ZNF787: variants seen among roughly 807,000 people sequenced by gnomAD.
ZNF787 encodes zinc finger protein 787, also known as TTF-I-interacting peptide 20.
In ZNF787, 7 loss-of-function variants were observed where a neutral mutation model predicts 16.9. The ratio of observed to expected loss-of-function variants is 0.42; its 90% confidence interval spans 0.24 to 0.78. The LOEUF (loss-of-function observed/expected upper bound fraction) is 0.78, where lower values mean the gene tolerates loss of function less well. ZNF787 is among the 30% of genes least tolerant of loss of function. ZNF787 has a pLI of 0.30. For missense variants in ZNF787, 551 were observed against 589.3 expected (o/e 0.94, Z 0.67); for synonymous variants, 345 against 270.9 (o/e 1.27, Z -2.69).
rs776380965 is a variant in ZNF787, at chr19:56,088,715, G to T, written c.457C>A (p.Pro153Thr). The T allele has an allele frequency of 6.2e-7, 1 of 1,607,180 alleles. No individual in the cohort carries two copies. The highest frequency in any genetic ancestry group is 1.7e-5 in the Admixed American group (1 of 59,278). Residue 153 changes from proline to threonine, a missense_variant, in exon 3 of 3, where the codon CCC becomes ACC. Pro to Thr is a conservative substitution (Grantham distance 38, BLOSUM62 -1). Around this residue, in one of 4 missense-constraint regions of ZNF787, gnomAD observed 40 missense variants for 60.7 expected, o/e 0.66. Coordinates refer to ENST00000610935, the MANE Select transcript of ZNF787 (RefSeq NM_001002836.4). This position sits in a 1 kb window ranked among gnomAD's most constrained non-coding sequence, Gnocchi z 8.6. ...IHTGEKPYTC[P>T]DCGRSFTQSK... ...TGAGTGAAGCTGCGGCCGCAGTCGG[G>T]GCAGGTGTAGGGCTTCTCGCCCGTG...
At chr19:56,099,710 CAAAAAA>C (rs10683508) in intron 2 of ZNF787, among the ~76,000 whole-genome samples, 1 of 106,604 alleles carries the variant, frequency 9.4e-6, no homozygotes, top group Non-Finnish European at 1.8e-5. Flanking sequence ...GGCTCCGTCT[CAAAAAA>C]AAAAAAAAAG....
Position 56,088,510 on chromosome 19 carries a change from T to C in ZNF787, c.662A>G (p.Lys221Arg). Residue 221 changes from lysine to arginine, a missense_variant, in exon 3 of 3, where the codon AAG becomes AGG. This residue lies in a region of ZNF787 where 392 missense variants were observed against 312.7 expected (regional missense o/e 1.25). Transcript: ENST00000610935. The surrounding 1 kb of genome is among the most constrained non-coding windows in gnomAD (Gnocchi z 8.6). Reference sequence around the variant, plus strand: ...CGCCGCCACCGCCTCTTCGGGCCCCTTGGCCCGCCGGACGCTAGCCGCCAG... The same window carrying C: ...CGCCGCCACCGCCTCTTCGGGCCCCCTGGCCCGCCGGACGCTAGCCGCCAG... ...KVLAASVRRA[K>R]GPEEAVAADG... The C allele has an allele frequency of 1.4e-6, 2 of 1,417,868 alleles. No homozygotes were observed. The highest frequency in any genetic ancestry group is 1.8e-6 in the Non-Finnish European group (2 of 1,093,230). 87.8% of individuals were successfully genotyped at this position (1,417,868 alleles called of 1,614,324 possible). A position where few individuals can be genotyped will look rare whatever the true frequency, so the allele number is the denominator to read the frequency against.
At chr19:56,094,356 T>G (rs1009332125) in intron 2 of ZNF787, among the ~76,000 whole-genome samples, 3 of 150,996 alleles carry the variant, frequency 2.0e-5, no homozygotes, top group Admixed American at 6.6e-5. Context: ...GTGCTCTTAG[T>G]AGAGACAGGG....
intron 2 of ZNF787, 33 bp from the exon 3 acceptor site, chr19:56,089,125 A>G: frequency 7.1e-7 from 1 of 1,417,168 alleles, no homozygotes; most frequent in Non-Finnish European, 9.2e-7. Context: ...GAGGTGAGTC[A>G]AGAGAGGCAA....
chr19:56,099,997 G>A (rs1986030670), intron 2 of ZNF787, among the ~76,000 whole-genome samples: 1 of 152,172 alleles, frequency 6.6e-6, no homozygotes, highest in Admixed American at 6.5e-5. Context: ...AGAGGTCGCA[G>A]GAAGGCCAGT....
At chr19:56,118,819 T>A (rs772255630) in intron 1 of ZNF787, among the ~76,000 whole-genome samples, 22 of 152,090 alleles carry the variant, frequency 1.4e-4, no homozygotes, top group Non-Finnish European at 1.9e-4. Context: ...GAGAGCTGTG[T>A]ATGCCTAGTA....
At chr19:56,093,531 G>C (rs2123395056) in intron 2 of ZNF787, among the ~76,000 whole-genome samples, 1 of 152,250 alleles carries the variant, frequency 6.6e-6, no homozygotes, top group East Asian at 1.9e-4. Flanking sequence ...GGCCGACTGA[G>C]ACATGTTCGG....
chr19:56,108,169 G>A (rs912708354), intron 1 of ZNF787, among the ~76,000 whole-genome samples: 40 of 151,986 alleles, frequency 2.6e-4, no homozygotes, highest in African/African-American at 8.7e-4. Flanking sequence ...AGAAGCGGGA[G>A]GCACTGAAGG....
chr19:56,108,835 G>T (rs1329136559), intron 1 of ZNF787, among the ~76,000 whole-genome samples: 1 of 152,170 alleles, frequency 6.6e-6, no homozygotes, highest in Non-Finnish European at 1.5e-5. Flanking sequence ...GCCTCGGATG[G>T]AAGAGTTCAG....
At chr19:56,115,658 G>T (rs554731391) in intron 1 of ZNF787, among the ~76,000 whole-genome samples, 1 of 147,480 alleles carries the variant, frequency 6.8e-6, no homozygotes, top group Admixed American at 6.7e-5. Context: ...CCTCCCACCC[G>T]CACCACCCAC....
Position 56,102,682 on chromosome 19 carries a change from C to T in ZNF787, c.79+457G>A, listed in dbSNP as rs974523052. 4 of 548,846 alleles carry T rather than the reference C, an allele frequency of 7.3e-6. No individual in the cohort carries two copies. The Admixed American group carries it at 9.8e-5, about 13-fold the overall frequency. The allele number at this position is 548,846 out of a possible 1,614,324, so 34.0% of individuals were successfully genotyped here. A position where few individuals can be genotyped will look rare whatever the true frequency, so the allele number is the denominator to read the frequency against. On this transcript the variant is annotated intron_variant, in intron 2 of 2. Coordinates refer to ENST00000610935, the MANE Select transcript of ZNF787 (RefSeq NM_001002836.4). ...GGTTCCCTGCACTCCTGAGCTTTCCCTGAAAAGTCGGCATCAGCCTGCGGG... is the reference window on the plus strand; with the variant it reads ...GGTTCCCTGCACTCCTGAGCTTTCCTTGAAAAGTCGGCATCAGCCTGCGGG...
chr19:56,090,212 G>A (rs1985519292), intron 2 of ZNF787, among the ~76,000 whole-genome samples: 1 of 152,086 alleles, frequency 6.6e-6, no homozygotes, highest in African/African-American at 2.4e-5. Flanking sequence ...CGCAAGGAAG[G>A]GCCATGACGC....
chr19:56,090,225 C>T (rs544588389), intron 2 of ZNF787, among the ~76,000 whole-genome samples: 96 of 152,324 alleles, frequency 6.3e-4, no homozygotes, highest in South Asian at 3.9e-3. Flanking sequence ...CATGACGCCC[C>T]CCTGCGCTAC....
At position 56,088,080 on chromosome 19, in the gene ZNF787, G is replaced by T. The variant is rs1374293699; in HGVS notation, c.1092C>A (p.Asp364Glu). ...YYRAGGEEED[D>E]DDEAAGGRCP... ...ACCGCCCGCCCGCGGCCTCGTCGTC[G>T]TCGTCCTCCTCCTCCCCGCCCGCGC... is the stretch of plus-strand genomic sequence containing the variant. Residue 364 changes from aspartate (D) to glutamate (E), a missense_variant, in exon 3 of 3, where the codon GAC becomes GAA. By Grantham distance (45) the Asp-to-Glu change is conservative (BLOSUM62 2). This residue lies in a region of ZNF787 where 392 missense variants were observed against 312.7 expected (regional missense o/e 1.25). Coordinates refer to ENST00000610935, the MANE Select transcript of ZNF787 (RefSeq NM_001002836.4). This position sits in a 1 kb window ranked among gnomAD's most constrained non-coding sequence, Gnocchi z 8.6. 9 of 1,485,678 alleles carry T rather than the reference G, an allele frequency of 6.1e-6. No homozygotes were observed. Among genetic ancestry groups the T allele is most frequent in the African/African-American group, 1.5e-5 (1 of 65,616 alleles). 92.0% of individuals were successfully genotyped at this position (1,485,678 alleles called of 1,614,324 possible). A position where few individuals can be genotyped will look rare whatever the true frequency, so the allele number is the denominator to read the frequency against.
chr19:56,110,833 G>A (rs558551653), intron 1 of ZNF787, among the ~76,000 whole-genome samples: 3 of 152,184 alleles, frequency 2.0e-5, no homozygotes, highest in Non-Finnish European at 2.9e-5. Flanking sequence ...CCTGCCCAGA[G>A]GCCAGCAGAG....
At chr19:56,114,890 T>G (rs2030086602) in intron 1 of ZNF787, among the ~76,000 whole-genome samples, 1 of 151,918 alleles carries the variant, frequency 6.6e-6, no homozygotes, top group Non-Finnish European at 1.5e-5. Context: ...TGCTCCCAGC[T>G]CAAGAAGCCC....
chr19:56,107,943 C>A (rs912320646), intron 1 of ZNF787, among the ~76,000 whole-genome samples: 8 of 151,448 alleles, frequency 5.3e-5, no homozygotes, highest in Non-Finnish European at 1.0e-4. Flanking sequence ...GGGGCAGTAC[C>A]TGCCGGGAGG....
At chr19:56,101,267 G>A (rs1291354977) in intron 2 of ZNF787, among the ~76,000 whole-genome samples, 2 of 152,250 alleles carry the variant, frequency 1.3e-5, no homozygotes, top group African/African-American at 2.4e-5. Context: ...CGCGAACGCC[G>A]GACACCAGAG....
chr19:56,119,937 C>G (rs758380698), intron 1 of ZNF787, among the ~76,000 whole-genome samples: 5 of 152,048 alleles, frequency 3.3e-5, no homozygotes, highest in Non-Finnish European at 7.4e-5. Flanking sequence ...CAGATGGGTT[C>G]TAAGCACTGC....
Sources: allele counts gnomAD v4.1 joint callset (sites outside exome capture counted in the v4.1 genomes callset), GRCh38; gene constraint gnomAD v4.1.1; regional missense constraint gnomAD v4.1.1; non-coding constraint Gnocchi (gnomAD v3.1); transcripts MANE v1.5; gene names NCBI Gene and HGNC (gene_info 2026-07-23, HGNC 2026-07-21).